The following CSMD1 variants were observed in gnomAD, a reference collection of about 807,000 sequenced individuals.
CSMD1 encodes CUB and sushi domain-containing protein 1.
A neutral mutation model predicts 417.5 loss-of-function variants in CSMD1; 213 were observed. The observed-to-expected ratio is 0.51, with a 90% CI of 0.46 to 0.57. CSMD1 has a LOEUF of 0.57. Among genes scored for constraint, CSMD1 ranks in the 20% least tolerant of loss-of-function variants. The pLI is 0.00. For synonymous variants in CSMD1, 2,862 were observed against 1,736.8 expected (o/e 1.65, Z -16.11); for missense variants, 6,923 against 4,529.7 (o/e 1.53, Z -15.17).
chr8:3,002,256 G>A (rs973398362), intron 52 of CSMD1, among the ~76,000 whole-genome samples: 2 of 152,198 alleles, frequency 1.3e-5, no homozygotes, highest in African/African-American at 4.8e-5. Context: ...TGTTATCACA[G>A]GCACAGAGGA....
chr8:4,660,815 T>C (rs897631284), intron 1 of CSMD1, among the ~76,000 whole-genome samples: 5 of 152,048 alleles, frequency 3.3e-5, no homozygotes, highest in Non-Finnish European at 5.9e-5. Flanking sequence ...GGCAAAATTA[T>C]GAAGACATTT....
intron 37 of CSMD1, among the ~76,000 whole-genome samples, chr8:3,180,284 A>G (rs889014093): frequency 3.9e-5 from 6 of 152,206 alleles, no homozygotes; most frequent in Non-Finnish European, 8.8e-5. Flanking sequence ...TCCATCTTTA[A>G]AAGGTTAGAG....
At chr8:3,105,042 G>A (rs753764713) in intron 46 of CSMD1, among the ~76,000 whole-genome samples, 1 of 152,214 alleles carries the variant, frequency 6.6e-6, no homozygotes, top group African/African-American at 2.4e-5. Flanking sequence ...ATGCACAGGT[G>A]TGAGCATCTG....
At chr8:3,060,841 G>C (rs954925214) in intron 49 of CSMD1, among the ~76,000 whole-genome samples, 2 of 152,180 alleles carry the variant, frequency 1.3e-5, no homozygotes, top group African/African-American at 4.8e-5. Context: ...TTATGGAGCA[G>C]AGTCATGCCA....
intron 49 of CSMD1, among the ~76,000 whole-genome samples, chr8:3,056,249 G>A (rs1160849930): frequency 6.6e-6 from 1 of 152,214 alleles, no homozygotes; most frequent in Admixed American, 6.5e-5. Flanking sequence ...TAGAAGAGAC[G>A]TCCAGTGTTG....
At chr8:3,399,202 C>T (rs986420012) in intron 16 of CSMD1, among the ~76,000 whole-genome samples, 189 bp downstream of exon 16, 2 of 152,166 alleles carry the variant, frequency 1.3e-5, no homozygotes, top group African/African-American at 2.4e-5. Context: ...AGCATTGGCT[C>T]ACTGTGGGCT....
chr8:3,024,846 G>C (rs1809733460), intron 51 of CSMD1, among the ~76,000 whole-genome samples: 1 of 152,010 alleles, frequency 6.6e-6, no homozygotes, highest in South Asian at 2.1e-4. Context: ...AATGACACTA[G>C]TACTCATGAA....
intron 2 of CSMD1, among the ~76,000 whole-genome samples, chr8:4,538,123 G>C (rs1009338545): frequency 2.6e-5 from 4 of 151,746 alleles, no homozygotes; most frequent in South Asian, 4.2e-4. Flanking sequence ...AAATAGACCA[G>C]AGCCTGTGAT....
At chr8:4,438,237 G>A (rs774830017) in intron 2 of CSMD1, among the ~76,000 whole-genome samples, 16 of 152,244 alleles carry the variant, frequency 1.1e-4, no homozygotes, top group South Asian at 6.2e-4. Context: ...AACCCAAGCC[G>A]TCTTGTTTTT....
intron 8 of CSMD1, among the ~76,000 whole-genome samples, chr8:3,586,537 G>C (rs1010171596): frequency 2.0e-5 from 3 of 151,900 alleles, no homozygotes; most frequent in Admixed American, 6.6e-5. Context: ...GAATAAAATA[G>C]CAAAAATGAC....
At chr8:4,474,819 C>G (rs574237364) in intron 2 of CSMD1, among the ~76,000 whole-genome samples, 2 of 152,278 alleles carry the variant, frequency 1.3e-5, no homozygotes, top group African/African-American at 4.8e-5. Flanking sequence ...TTTTGTGACC[C>G]CTTCCACTTA....
intron 5 of CSMD1, among the ~76,000 whole-genome samples, chr8:3,790,289 G>T (rs1213731558): frequency 1.3e-5 from 2 of 152,164 alleles, no homozygotes; most frequent in African/African-American, 4.8e-5. Flanking sequence ...ACAAGATGAA[G>T]TAAGTCATGT....
chr8:3,719,472 T>A (rs1331078171), intron 6 of CSMD1, among the ~76,000 whole-genome samples: 1 of 152,180 alleles, frequency 6.6e-6, no homozygotes, highest in Non-Finnish European at 1.5e-5. Flanking sequence ...TGGGTGGTAT[T>A]TAACTCAGAA....
At chr8:4,596,962 C>T (rs1800314820) in intron 2 of CSMD1, among the ~76,000 whole-genome samples, 1 of 152,184 alleles carries the variant, frequency 6.6e-6, no homozygotes, top group Admixed American at 6.5e-5. Flanking sequence ...TCTCTTGCCA[C>T]CTCCATGTTA....
At position 3,834,840 on chromosome 8, in the gene CSMD1, G is replaced by C. The variant is rs543567988; in HGVS notation, c.819-80798C>G. ...TCATCTGACAAAGGGCTAATATCCAGAATCTACAATGAACTCCAACAAATT... is the reference window on the plus strand; with the variant it reads ...TCATCTGACAAAGGGCTAATATCCACAATCTACAATGAACTCCAACAAATT... On this transcript the variant is annotated intron_variant, in intron 5 of 69. Coordinates refer to ENST00000635120, the MANE Select transcript of CSMD1 (RefSeq NM_033225.6). Among the ~76,000 whole-genome samples, 971 of 151,942 alleles carry C rather than the reference G, an allele frequency of 6.4e-3. 12 individuals are homozygous for C. Among genetic ancestry groups the C allele is most frequent in the African/African-American group, 0.022 (900 of 41,434 alleles).
intron 5 of CSMD1, among the ~76,000 whole-genome samples, chr8:3,880,335 G>A (rs1806125896): frequency 2.0e-5 from 3 of 152,046 alleles, no homozygotes; most frequent in South Asian, 2.1e-4. Flanking sequence ...TTACTGCATC[G>A]TTGTTCTTTA....
At chr8:4,660,002 G>C (rs185015680) in intron 1 of CSMD1, among the ~76,000 whole-genome samples, 1 of 150,894 alleles carries the variant, frequency 6.6e-6, no homozygotes, top group Non-Finnish European at 1.5e-5. Flanking sequence ...TACTCAACTT[G>C]TAACTATAAT....
rs1393036498 is a variant in CSMD1, at chr8:3,087,260, G to A, written c.7311C>T (p.Pro2437=). ...TGTTTAGAATACCCCCATTCTTCAG[G>A]GGGTGGGTCAAACTGCAGTAAGGTG... ...YAAPYCSLTH[P]LKNGGILNRT... is the part of the protein sequence containing the mutation. The change falls in exon 49 of 70, where the codon CCC becomes CCT. Residue 2437 remains proline, a synonymous_variant. Coordinates refer to ENST00000635120, the MANE Select transcript of CSMD1 (RefSeq NM_033225.6). 6.2e-7 allele frequency: 1 copy of A among 1,613,924 alleles called. No individual in the cohort carries two copies. The highest frequency in any genetic ancestry group is 8.5e-7 in the Non-Finnish European group (1 of 1,179,860).
chr8:4,232,222 G>C (rs549064373), intron 3 of CSMD1, among the ~76,000 whole-genome samples: 64 of 152,106 alleles, frequency 4.2e-4, no homozygotes, highest in Middle Eastern at 3.2e-3. Flanking sequence ...TTAAGACAGA[G>C]TCTCGCTCTG....
Sources: gnomAD v4.1 joint callset for allele counts (sites outside exome capture counted in the v4.1 genomes callset) on GRCh38, gnomAD v4.1.1 for gene constraint, MANE v1.5 for transcripts, NCBI Gene and HGNC (gene_info 2026-07-23, HGNC 2026-07-21) for gene names.